EVC: variants seen among roughly 807,000 people sequenced by gnomAD.
EVC encodes the protein evC complex member EVC.
Under a neutral mutation model 118.9 loss-of-function variants are expected in EVC, and 116 were observed. That is an observed-to-expected ratio of 0.98 (90% CI 0.84 to 1.14). The LOEUF is 1.14. EVC is among the 50% of genes most tolerant of loss of function. The probability of loss-of-function intolerance (pLI) is 0.00; values close to 1 mark genes in which losing one functional copy is unlikely to be tolerated. For missense variants in EVC, 1,401 were observed against 1,246.4 expected (o/e 1.12, Z -1.87); for synonymous variants, 619 against 534.7 (o/e 1.16, Z -2.18).
intron 16 of EVC, among the ~76,000 whole-genome samples, chr4:5,804,402 A>G (rs947903699): frequency 3.3e-5 from 5 of 152,112 alleles, no homozygotes; most frequent in Non-Finnish European, 7.3e-5. Context: ...CTGGCCAATC[A>G]CTTTTCCTTT....
intron 5 of EVC, among the ~76,000 whole-genome samples, chr4:5,740,216 A>G (rs1347140089): frequency 6.6e-6 from 1 of 152,186 alleles, no homozygotes; most frequent in Non-Finnish European, 1.5e-5. Flanking sequence ...CACGCCTATA[A>G]TCCCAGCACT....
chr4:5,767,378 A>G (rs115721535), intron 11 of EVC, among the ~76,000 whole-genome samples: 65,159 of 114,334 alleles, frequency 0.57, 21,021 homozygotes, highest in Middle Eastern at 0.69. Context: ...GCCCCCGGAG[A>G]TGGAACCTCC....
intron 11 of EVC, among the ~76,000 whole-genome samples, chr4:5,764,020 G>A (rs1447015940): frequency 2.7e-5 from 4 of 147,986 alleles, no homozygotes; most frequent in Non-Finnish European, 4.5e-5. Flanking sequence ...CCCATTCAGT[G>A]TGATATTGGC....
chr4:5,725,294 G>A lies in EVC; in HGVS notation c.301-4013G>A, dbSNP rs144247192. On this transcript the variant is annotated intron_variant, in intron 2 of 20. Transcript: ENST00000264956. The stretch of plus-strand genomic sequence containing the variant: ...TCTGCTTCTAGCTCTTTGAGGAATC[G>A]CCACACTGTCTTCCACAATGGTTGA... 8.0e-3 allele frequency among the ~76,000 whole-genome samples: 1,221 copies of A among 152,222 alleles called. 59 individuals are homozygous for A. Among genetic ancestry groups the A allele is most frequent in the Admixed American group, 0.075 (1,143 of 15,288 alleles).
intron 2 of EVC, among the ~76,000 whole-genome samples, chr4:5,728,764 C>G (rs956073727): frequency 6.6e-6 from 1 of 152,200 alleles, no homozygotes; most frequent in African/African-American, 2.4e-5. Flanking sequence ...GCTTATACCC[C>G]TGGCAATGCT....
intron 8 of EVC, among the ~76,000 whole-genome samples, 180 bp downstream of exon 8, chr4:5,748,486 A>G (rs1321438689): frequency 1.3e-5 from 2 of 152,166 alleles, no homozygotes; most frequent in East Asian, 3.9e-4. Flanking sequence ...TTATCCATCC[A>G]TCCACCCATC....
At position 5,808,242 on chromosome 4, in the gene EVC, T is replaced by G; in HGVS notation, c.2603T>G (p.Val868Gly). The change falls in exon 18 of 21, where the codon GTG (valine) becomes GGG (glycine). Residue 868 changes from valine to glycine, a missense_variant. Physicochemically the swap from Val to Gly is moderately radical, Grantham distance 109. Transcript: ENST00000264956. ...AAGAGGTTCCTGGCCCAGTTCCCAG[T>G]GCACCAGCAGATGCGTCTGCACGCC... ...QQKRFLAQFPVHQQMRLHAQQ... is the reference protein window; with the variant it reads ...QQKRFLAQFPGHQQMRLHAQQ... 1 of 1,605,348 alleles carries G rather than the reference T, an allele frequency of 6.2e-7. No individual in the cohort carries two copies.
chr4:5,795,059 A>G (rs1291989530), intron 13 of EVC, among the ~76,000 whole-genome samples: 1 of 152,202 alleles, frequency 6.6e-6, no homozygotes, highest in Non-Finnish European at 1.5e-5. Context: ...TGCAAATAAC[A>G]TGATTTCATT....
chr4:5,745,881 G>A (rs1729292382), intron 7 of EVC, among the ~76,000 whole-genome samples: 2 of 152,184 alleles, frequency 1.3e-5, no homozygotes, highest in South Asian at 4.1e-4. Flanking sequence ...GGCCAGGAGA[G>A]ACAAACAGGT....
rs1553857901 is a variant in EVC, at chr4:5,711,448, C to CGGCGCCCGCCCTGCT, written c.72_86dup (p.Leu27_Ala31dup). ...CTGCTGGGGCGGGACGCGCTGCGGC[C>CGGCGCCCGCCCTGCT]GGCGCCCGCCCTGCTGGCCCCCGCC... On this transcript the variant is annotated inframe_insertion, in exon 1 of 21. Transcript: ENST00000264956. 8.8e-6 allele frequency: 9 copies of CGGCGCCCGCCCTGCT among 1,026,876 alleles called. No homozygotes were observed. Among genetic ancestry groups the CGGCGCCCGCCCTGCT allele is most frequent in the Non-Finnish European group, 1.0e-5 (9 of 860,232 alleles). The allele number at this position is 1,026,876 out of a possible 1,614,324, so 63.6% of individuals were successfully genotyped here. A position where few individuals can be genotyped will look rare whatever the true frequency, so the allele number is the denominator to read the frequency against.
chr4:5,714,115 C>T (rs1160660607), intron 1 of EVC, among the ~76,000 whole-genome samples: 1 of 152,202 alleles, frequency 6.6e-6, no homozygotes, highest in African/African-American at 2.4e-5. Flanking sequence ...TTCTTAGACT[C>T]TATCCTGCTC....
chr4:5,736,595 C>T (rs1444655754), intron 5 of EVC, among the ~76,000 whole-genome samples: 1 of 151,502 alleles, frequency 6.6e-6, no homozygotes, highest in Non-Finnish European at 1.5e-5. Context: ...ACAGCACATG[C>T]TCACTTCATG....
intron 12 of EVC, among the ~76,000 whole-genome samples, chr4:5,786,596 G>A (rs934853229): frequency 6.6e-5 from 10 of 152,124 alleles, no homozygotes; most frequent in Non-Finnish European, 1.0e-4. Flanking sequence ...CATGATAGCC[G>A]GGTGCGGTGG....
intron 12 of EVC, among the ~76,000 whole-genome samples, chr4:5,787,548 A>T (rs550751172): frequency 6.6e-6 from 1 of 152,326 alleles, no homozygotes; most frequent in East Asian, 1.9e-4. Context: ...AAGAAAATGG[A>T]TTCTGCCCCA....
At chr4:5,717,490 A>T (rs188796564) in intron 1 of EVC, among the ~76,000 whole-genome samples, 1 of 152,210 alleles carries the variant, frequency 6.6e-6, no homozygotes, top group East Asian at 1.9e-4. Flanking sequence ...TGGGATATAT[A>T]TATTTTTTCC....
chr4:5,726,413 A>G (rs369073995), intron 2 of EVC, among the ~76,000 whole-genome samples: 5 of 152,190 alleles, frequency 3.3e-5, no homozygotes, highest in South Asian at 2.1e-4. Context: ...CCAAGAGGAG[A>G]GAGATGCAGA....
chr4:5,783,868 G>A, intron 12 of EVC, 104 bp downstream of exon 12: 1 of 1,086,254 alleles, frequency 9.2e-7, no homozygotes, highest in Non-Finnish European at 1.4e-6. Flanking sequence ...CCTATTGTAG[G>A]TGCTCTACGG....
chr4:5,825,846 T>C, the EVC span: 61 of 596,286 alleles, frequency 1.0e-4, no homozygotes, highest in Middle Eastern at 4.0e-4. The surrounding 1 kb of genome is among the most constrained non-coding windows in gnomAD (Gnocchi z 4.4). Flanking sequence ...CAGGCATTCA[T>C]ACACACAAGC....
At chr4:5,745,057 C>A in intron 6 of EVC, 147 bp from the exon 7 acceptor site, 2 of 708,928 alleles carry the variant, frequency 2.8e-6, no homozygotes, top group Non-Finnish European at 4.5e-6. Flanking sequence ...GGTCAAACCT[C>A]ATGTACAACA....
Sources: gnomAD v4.1 joint callset for allele counts (sites outside exome capture counted in the v4.1 genomes callset) on GRCh38, gnomAD v4.1.1 for gene constraint, Gnocchi (gnomAD v3.1) non-coding constraint, MANE v1.5 for transcripts, NCBI Gene and HGNC (gene_info 2026-07-23, HGNC 2026-07-21) for gene names.